Variants in UVSSA observed in about 807,000 individuals in gnomAD.
UVSSA encodes the protein UV-stimulated scaffold protein A.
A neutral mutation model predicts 73.9 loss-of-function variants in UVSSA; 72 were observed. The ratio of observed to expected loss-of-function variants is 0.97; its 90% CI spans 0.81 to 1.19. UVSSA has a LOEUF of 1.19. UVSSA is among the 50% of genes most tolerant of loss of function. The pLI is 0.00. For missense variants in UVSSA, 1,150 were observed against 965.0 expected (o/e 1.19, Z -2.54); for synonymous variants, 454 against 391.3 (o/e 1.16, Z -1.89).
In UVSSA at chr4:1,349,079, G is replaced by C. The variant is rs374745813; in HGVS notation, c.99-445G>C. 3.4e-4 allele frequency among the ~76,000 whole-genome samples: 51 copies of C among 150,750 alleles called. No homozygotes were observed. The East Asian group carries it at 9.9e-3, about 29-fold the overall frequency. ...CGGTTGGCGTTTGTGCCGGGCGGTG[G>C]GCGTTTGTGCCGGGCGGTGTGTGTT... On this transcript the variant is annotated intron_variant, in intron 2 of 13. Transcript: ENST00000389851.
At chr4:1,377,812 C>T (rs116617806) in intron 10 of UVSSA, among the ~76,000 whole-genome samples, 129 of 152,388 alleles carry the variant, frequency 8.5e-4, no homozygotes, top group Middle Eastern at 3.4e-3. Flanking sequence ...ATCGAGCTCA[C>T]GGCTTCATGT....
At chr4:1,355,839 T>C (rs1715650029) in intron 7 of UVSSA, among the ~76,000 whole-genome samples, 1 of 151,978 alleles carries the variant, frequency 6.6e-6, no homozygotes, top group African/African-American at 2.4e-5. Flanking sequence ...TGGGTGAAGC[T>C]GGGAGCAGAG....
chr4:1,361,349 G>T (rs1051003261), intron 7 of UVSSA, among the ~76,000 whole-genome samples: 4 of 152,358 alleles, frequency 2.6e-5, no homozygotes, highest in African/African-American at 4.8e-5. Flanking sequence ...GACGAGAATG[G>T]GAAGAGGCCC....
At chr4:1,357,198 G>A (rs1715907211) in intron 7 of UVSSA, among the ~76,000 whole-genome samples, 1 of 147,636 alleles carries the variant, frequency 6.8e-6, no homozygotes, top group South Asian at 2.2e-4. Flanking sequence ...GGGTGGCATG[G>A]TCTGGTCTCA....
At chr4:1,360,777 G>A (rs1267843122) in intron 7 of UVSSA, among the ~76,000 whole-genome samples, 1 of 152,220 alleles carries the variant, frequency 6.6e-6, no homozygotes, top group Non-Finnish European at 1.5e-5. Context: ...AGAGCTCGGG[G>A]GCAGGAGCTA....
chr4:1,353,627 T>C (rs528971072), intron 5 of UVSSA, among the ~76,000 whole-genome samples: 15 of 152,278 alleles, frequency 9.9e-5, no homozygotes, highest in African/African-American at 3.1e-4. Flanking sequence ...GGGACACTTC[T>C]AAGAGCTCAT....
intron 12 of UVSSA, among the ~76,000 whole-genome samples, chr4:1,381,917 C>A (rs1182117720): frequency 6.6e-6 from 1 of 152,186 alleles, no homozygotes; most frequent in Non-Finnish European, 1.5e-5. Context: ...TCCTGTCTCA[C>A]CTCCCAAAAT....
upstream of UVSSA, among the ~76,000 whole-genome samples, chr4:1,346,333 G>C (rs971048892): frequency 1.3e-5 from 2 of 151,970 alleles, no homozygotes; most frequent in Non-Finnish European, 2.9e-5. Context: ...GAGCCCAGTC[G>C]GGCGTCTGCT....
chr4:1,381,052 C>T (rs1192857629), intron 12 of UVSSA, 64 bp downstream of exon 12: 16 of 1,460,462 alleles, frequency 1.1e-5, no homozygotes, highest in East Asian at 4.7e-5. Context: ...ACTAGTGGCC[C>T]GGGGTGTGTC....
At chr4:1,371,484 T>A (rs930059175) in intron 8 of UVSSA, among the ~76,000 whole-genome samples, 1 of 152,150 alleles carries the variant, frequency 6.6e-6, no homozygotes, top group Non-Finnish European at 1.5e-5. Flanking sequence ...AGGGACTTCT[T>A]GCATAGTGTA....
In UVSSA at chr4:1,352,933, A is replaced by G. The variant is rs1261090952; in HGVS notation, c.551-97A>G. 1.3e-5 allele frequency: 19 copies of G among 1,474,098 alleles called. No homozygotes were observed. The African/African-American group carries it at 2.4e-4, about 19-fold the overall frequency. 91.3% of individuals were successfully genotyped at this position (1,474,098 alleles called of 1,614,324 possible). A position where few individuals can be genotyped will look rare whatever the true frequency, so the allele number is the denominator to read the frequency against. ...GCATTCCACCTGGTGCTGAAAAGTG[A>G]CACCCTGCGGGGAGTGGGCCTCTGA... is the stretch of plus-strand genomic sequence containing the variant. On this transcript the variant is annotated intron_variant, in intron 4 of 13. Coordinates refer to ENST00000389851, the MANE Select transcript of UVSSA (RefSeq NM_020894.4).
intron 7 of UVSSA, chr4:1,358,416 C>T (rs1467462888): frequency 1.3e-5 from 2 of 152,400 alleles, no homozygotes; most frequent in East Asian, 3.9e-4. Flanking sequence ...GCCCATTTGT[C>T]AGTTGAATGG....
At chr4:1,361,852 ATTT>A (rs59450439) in intron 7 of UVSSA, among the ~76,000 whole-genome samples, 1 of 142,984 alleles carries the variant, frequency 7.0e-6, no homozygotes, top group Admixed American at 7.0e-5. Context: ...GCCTTACATC[ATTT>A]TTTTTTTTTT....
intron 7 of UVSSA, among the ~76,000 whole-genome samples, chr4:1,362,415 G>C (rs569943930): frequency 6.6e-6 from 1 of 152,238 alleles, no homozygotes; most frequent in African/African-American, 2.4e-5. Flanking sequence ...GCCCCCTTGG[G>C]AGGGGACAGC....
At chr4:1,356,049 C>T (rs1470346413) in intron 7 of UVSSA, among the ~76,000 whole-genome samples, 3 of 152,128 alleles carry the variant, frequency 2.0e-5, no homozygotes, top group Non-Finnish European at 4.4e-5. Flanking sequence ...TACACAGCGG[C>T]CACCCTGAGC....
At chr4:1,350,514 C>T (rs1220346583) in intron 3 of UVSSA, among the ~76,000 whole-genome samples, 2 of 152,262 alleles carry the variant, frequency 1.3e-5, no homozygotes. Context: ...GGAACAAGCA[C>T]ACTGCTCTCC....
rs539022641 is a variant in UVSSA, at chr4:1,349,756, C to G, written c.331C>G (p.Gln111Glu). 1.3e-5 allele frequency: 21 copies of G among 1,610,716 alleles called. No individual in the cohort carries two copies. The South Asian group carries it at 2.2e-4, about 17-fold the overall frequency. Residue 111 changes from glutamine to glutamate, a missense_variant, in exon 3 of 14, where the codon CAG (glutamine) becomes GAG (glutamate). Physicochemically the swap from Gln to Glu is conservative, Grantham distance 29. Coordinates refer to ENST00000389851, the MANE Select transcript of UVSSA (RefSeq NM_020894.4). ...PPREAAQRLRQATTRAVEGWN... is the reference protein window; with the variant it reads ...PPREAAQRLREATTRAVEGWN... ...CAGGGAGGCGGCACAGAGGCTGAGGCAGGCGACCACCCGGGCCGTGGAAGG... is the reference window on the plus strand; with the variant it reads ...CAGGGAGGCGGCACAGAGGCTGAGGGAGGCGACCACCCGGGCCGTGGAAGG...
chr4:1,357,789 G>A (rs949309814), intron 7 of UVSSA, among the ~76,000 whole-genome samples: 1 of 152,226 alleles, frequency 6.6e-6, no homozygotes, highest in Non-Finnish European at 1.5e-5. Flanking sequence ...CCTGCTGGCC[G>A]TGCCCTTCTG....
chr4:1,380,939 A>G lies in UVSSA; in HGVS notation c.1812A>G (p.Glu604=). 1 of 1,613,062 alleles carries G rather than the reference A, an allele frequency of 6.2e-7. No individual in the cohort carries two copies. Among genetic ancestry groups the G allele is most frequent in the Non-Finnish European group, 8.5e-7 (1 of 1,179,972 alleles). The change falls in exon 12 of 14, where the codon GAA becomes GAG. Residue 604 remains glutamate, a synonymous_variant. Transcript: ENST00000389851. ...RDDEGRPLDP[E]DRAREQRRQL... is the part of the protein sequence containing the mutation. Reference sequence around the variant, plus strand: ...ACGAAGGACGGCCGCTCGACCCGGAAGACAGGGCTCGTGAGCAGCGGCGGC... The same window carrying G: ...ACGAAGGACGGCCGCTCGACCCGGAGGACAGGGCTCGTGAGCAGCGGCGGC...
Sources: allele counts gnomAD v4.1 joint callset (sites outside exome capture counted in the v4.1 genomes callset), GRCh38; gene constraint gnomAD v4.1.1; transcripts MANE v1.5; gene names NCBI Gene and HGNC (gene_info 2026-07-23, HGNC 2026-07-21).